CNTNAP4: variants seen among roughly 807,000 people sequenced by gnomAD.
The protein encoded by CNTNAP4 is contactin-associated protein-like 4.
Under a neutral mutation model 148.4 loss-of-function variants are expected in CNTNAP4, and 98 were observed. The observed-to-expected ratio is 0.66, with a 90% CI of 0.56 to 0.78. The LOEUF (loss-of-function observed/expected upper bound fraction) is 0.78, where lower values mean the gene tolerates loss of function less well. Ranked by LOEUF, CNTNAP4 falls within the 30% of genes least tolerant of loss-of-function variation. The probability of loss-of-function intolerance (pLI) is 0.00; values close to 1 mark genes in which losing one functional copy is unlikely to be tolerated. For synonymous variants in CNTNAP4, 730 were observed against 565.1 expected, an observed-to-expected ratio of 1.29 and a Z score of -4.14; for missense variants, 1,935 against 1,565.6, an observed-to-expected ratio of 1.24 and a Z score of -3.98.
intron 12 of CNTNAP4, among the ~76,000 whole-genome samples, chr16:76,481,140 A>G (rs2081812859): frequency 6.6e-6 from 1 of 152,196 alleles, no homozygotes; most frequent in East Asian, 1.9e-4. Flanking sequence ...ATATGTAATG[A>G]AGGAAAGATG....
intron 4 of CNTNAP4, among the ~76,000 whole-genome samples, chr16:76,436,975 A>G (rs1454587416): frequency 2.0e-5 from 3 of 150,248 alleles, no homozygotes; most frequent in Non-Finnish European, 4.4e-5. Flanking sequence ...CTATCTATCT[A>G]TCTATCTATC....
At position 76,560,560 on chromosome 16, in the gene CNTNAP4, A is replaced by G. The variant is rs2085374723; in HGVS notation, c.*1877A>G. Among the ~76,000 whole-genome samples, 1 of 152,170 alleles carries G rather than the reference A, an allele frequency of 6.6e-6. No individual in the cohort carries two copies. Among genetic ancestry groups the G allele is most frequent in the Admixed American group, 6.5e-5 (1 of 15,272 alleles). On this transcript the variant is annotated 3_prime_UTR_variant, in exon 24 of 24. Coordinates refer to ENST00000611870, the MANE Select transcript of CNTNAP4 (RefSeq NM_033401.5). ...TCTTTTGCAGATGTTCATGTTATTT[A>G]GTAGCGGTATTAACCTCATTGGTAG...
intron 12 of CNTNAP4, among the ~76,000 whole-genome samples, chr16:76,485,873 G>A (rs567091634): frequency 1.5e-3 from 226 of 152,280 alleles, no homozygotes; most frequent in African/African-American, 5.0e-3. Context: ...GCTCCAGAAG[G>A]CTGGCTCTCT....
chr16:76,409,411 C>A (rs1478297885), intron 3 of CNTNAP4, among the ~76,000 whole-genome samples: 3 of 151,852 alleles, frequency 2.0e-5, no homozygotes, highest in Non-Finnish European at 4.4e-5. Flanking sequence ...ATACAAATAT[C>A]TATAAAAGTT....
At position 76,488,934 on chromosome 16, in the gene CNTNAP4, C is replaced by G. The variant is rs146139371; in HGVS notation, c.1883-752C>G. ...AATAGTGATAACTCTAGTAGATACTCAAAGATATTTTACTTTTGTGTTAGT... is the reference window on the plus strand; with the variant it reads ...AATAGTGATAACTCTAGTAGATACTGAAAGATATTTTACTTTTGTGTTAGT... On this transcript the variant is annotated intron_variant, in intron 12 of 23. Transcript: ENST00000611870. Among the ~76,000 whole-genome samples, 191 of 152,220 alleles carry G rather than the reference C, an allele frequency of 1.3e-3. 1 individual carries two copies. The highest frequency in any genetic ancestry group is 4.4e-3 in the African/African-American group (183 of 41,552).
chr16:76,484,418 C>T (rs2081951926), intron 12 of CNTNAP4, among the ~76,000 whole-genome samples: 1 of 151,696 alleles, frequency 6.6e-6, no homozygotes, highest in African/African-American at 2.4e-5. Context: ...TGTTCAGAAA[C>T]ACAGATACCC....
intron 1 of CNTNAP4, among the ~76,000 whole-genome samples, chr16:76,313,686 A>T (rs930084056): frequency 6.6e-6 from 1 of 152,202 alleles, no homozygotes; most frequent in African/African-American, 2.4e-5. Context: ...AAACGAGACA[A>T]TCTTGAAAAG....
At chr16:76,555,393 A>T (rs1339935703) in intron 23 of CNTNAP4, among the ~76,000 whole-genome samples, 24 of 152,210 alleles carry the variant, frequency 1.6e-4, no homozygotes, top group Non-Finnish European at 1.8e-4. Context: ...TTTGAAGAGG[A>T]GTTAATAATT....
At chr16:76,342,759 A>C (rs1288473886) in intron 2 of CNTNAP4, among the ~76,000 whole-genome samples, 1 of 152,066 alleles carries the variant, frequency 6.6e-6, no homozygotes, top group African/African-American at 2.4e-5. Flanking sequence ...AAAATTCTGA[A>C]CTCTGAACAT....
chr16:76,292,700 C>A (rs772576291), intron 1 of CNTNAP4, among the ~76,000 whole-genome samples: 1 of 146,828 alleles, frequency 6.8e-6, no homozygotes, highest in Non-Finnish European at 1.5e-5. Flanking sequence ...TCTTCCTTAT[C>A]AAAAATATTT....
At chr16:76,503,870 T>C (rs968877200) in intron 15 of CNTNAP4, among the ~76,000 whole-genome samples, 1 of 152,168 alleles carries the variant, frequency 6.6e-6, no homozygotes, top group Non-Finnish European at 1.5e-5. Context: ...AAATTATAAA[T>C]GATATTTTAA....
At position 76,355,516 on chromosome 16, in the gene CNTNAP4, G is replaced by C. The variant is rs765406969; in HGVS notation, c.390+5G>C. The stretch of plus-strand genomic sequence containing the variant: ...CGCCAAGAGGACAGCATCTGGGTAT[G>C]TTCTTTAACAAAAGACATAGTCTCT... On this transcript the variant is annotated splice_donor_5th_base_variant and intron_variant, in intron 3 of 23. Transcript: ENST00000611870. 1 of 1,581,708 alleles carries C rather than the reference G, an allele frequency of 6.3e-7. No homozygotes were observed. The highest frequency in any genetic ancestry group is 8.6e-7 in the Non-Finnish European group (1 of 1,164,214).
chr16:76,535,436 C>T, intron 17 of CNTNAP4, 109 bp from the exon 18 acceptor site: 2 of 1,093,334 alleles, frequency 1.8e-6, no homozygotes, highest in Admixed American at 2.8e-5. Flanking sequence ...ATTATATTTG[C>T]TCATCCATTT....
At chr16:76,517,207 G>A (rs1025329935) in intron 15 of CNTNAP4, among the ~76,000 whole-genome samples, 2 of 152,138 alleles carry the variant, frequency 1.3e-5, no homozygotes, top group African/African-American at 4.8e-5. Context: ...GTTAAAGAAG[G>A]GGTAAGGAGG....
chr16:76,363,420 C>G (rs1439288415), intron 3 of CNTNAP4, among the ~76,000 whole-genome samples: 1 of 151,998 alleles, frequency 6.6e-6, no homozygotes, highest in Non-Finnish European at 1.5e-5. Context: ...CCTTGGCCTC[C>G]CAAAGTGCTG....
chr16:76,484,018 A>G (rs2081934335), intron 12 of CNTNAP4, among the ~76,000 whole-genome samples: 2 of 151,870 alleles, frequency 1.3e-5, no homozygotes, highest in African/African-American at 2.4e-5. Context: ...ATTTTATTGA[A>G]TATATTATTT....
chr16:76,524,660 A>G (rs1429852325), intron 17 of CNTNAP4, among the ~76,000 whole-genome samples: 4 of 152,148 alleles, frequency 2.6e-5, no homozygotes, highest in African/African-American at 9.7e-5. Flanking sequence ...CGATCATGTG[A>G]TACAATTTTA....
chr16:76,302,160 G>C (rs1490748279), intron 1 of CNTNAP4, among the ~76,000 whole-genome samples: 1 of 152,080 alleles, frequency 6.6e-6, no homozygotes, highest in Non-Finnish European at 1.5e-5. Context: ...GAGGCCTTCA[G>C]CTACCATGGA....
chr16:76,383,972 T>C (rs1247137789), intron 3 of CNTNAP4, among the ~76,000 whole-genome samples: 1 of 152,240 alleles, frequency 6.6e-6, no homozygotes, highest in South Asian at 2.1e-4. Context: ...TTCTCCTCTT[T>C]AAATTTTTAG....
Sources: gnomAD v4.1 joint callset for allele counts (sites outside exome capture counted in the v4.1 genomes callset) on GRCh38, gnomAD v4.1.1 for gene constraint, MANE v1.5 for transcripts, NCBI Gene and HGNC (gene_info 2026-07-23, HGNC 2026-07-21) for gene names.